Variants in XKR6 observed in about 807,000 individuals in gnomAD.
XKR6 encodes the protein XK related 6.
XKR6 carries 22 observed loss-of-function variants against 56.7 expected under a neutral mutation model. That is an observed-to-expected ratio of 0.39 (90% CI 0.28 to 0.55). The LOEUF (loss-of-function observed/expected upper bound fraction) is 0.55, where lower values mean the gene tolerates loss of function less well. Ranked by LOEUF, XKR6 falls within the 20% of genes least tolerant of loss-of-function variation. The probability of loss-of-function intolerance (pLI) is 0.66; values close to 1 mark genes in which losing one functional copy is unlikely to be tolerated. For missense variants in XKR6, 852 were observed against 889.0 expected (o/e 0.96, Z 0.53); for synonymous variants, 524 against 387.8 (o/e 1.35, Z -4.13).
intron 1 of XKR6, among the ~76,000 whole-genome samples, chr8:10,971,141 G>A (rs1023776681): frequency 2.0e-5 from 3 of 151,510 alleles, no homozygotes; most frequent in Admixed American, 1.3e-4. Context: ...TACAAGCAGC[G>A]CCGGGCACGG....
intron 1 of XKR6, among the ~76,000 whole-genome samples, chr8:11,011,156 C>T (rs1798491066): frequency 6.6e-6 from 1 of 152,174 alleles, no homozygotes; most frequent in Admixed American, 6.5e-5. Flanking sequence ...CAAACTCATG[C>T]TCCTTTCCCT....
At chr8:11,010,759 C>G (rs931475086) in intron 1 of XKR6, among the ~76,000 whole-genome samples, 1 of 151,946 alleles carries the variant, frequency 6.6e-6, no homozygotes, top group Admixed American at 6.5e-5. Flanking sequence ...TTTTCTAAAA[C>G]AGTGGCCCCT....
intron 1 of XKR6, chr8:11,111,537 G>C (rs1193119500): frequency 1.3e-5 from 2 of 152,188 alleles, no homozygotes; most frequent in South Asian, 4.2e-4. Flanking sequence ...AATTGCCTCT[G>C]ATCTAAATAA....
chr8:11,111,145 C>G (rs186993034), intron 1 of XKR6, among the ~76,000 whole-genome samples: 1 of 151,882 alleles, frequency 6.6e-6, no homozygotes, highest in African/African-American at 2.4e-5. Context: ...TGAGCCACTG[C>G]GCCTGCCCAA....
At chr8:10,993,730 G>C (rs1798046170) in intron 1 of XKR6, among the ~76,000 whole-genome samples, 1 of 152,174 alleles carries the variant, frequency 6.6e-6, no homozygotes, top group Non-Finnish European at 1.5e-5. Flanking sequence ...CTTGACTTCT[G>C]ACCCACTCAT....
chr8:10,920,283 C>G (rs1270091865), intron 2 of XKR6, among the ~76,000 whole-genome samples: 1 of 152,160 alleles, frequency 6.6e-6, no homozygotes, highest in Non-Finnish European at 1.5e-5. Flanking sequence ...CTACAACCAC[C>G]AAGAAAACAG....
At chr8:11,130,173 C>T (rs1800032765) in intron 1 of XKR6, among the ~76,000 whole-genome samples, 1 of 151,972 alleles carries the variant, frequency 6.6e-6, no homozygotes, top group South Asian at 2.1e-4. Context: ...TATTTTGTGG[C>T]TGGTTGTGTG....
chr8:11,065,577 T>C (rs779166205), intron 1 of XKR6, among the ~76,000 whole-genome samples: 4 of 152,048 alleles, frequency 2.6e-5, no homozygotes, highest in Non-Finnish European at 5.9e-5. Context: ...TTTTACTTAA[T>C]ACGTTTTTTT....
intron 1 of XKR6, among the ~76,000 whole-genome samples, chr8:11,135,089 G>GTGGCGC (rs1250031023): frequency 9.0e-4 from 135 of 149,610 alleles, no homozygotes; most frequent in African/African-American, 2.5e-3. Flanking sequence ...CTGAAGTGCA[G>GTGGCGC]TGGCACGATC....
chr8:10,982,293 C>T (rs10089518), intron 1 of XKR6, among the ~76,000 whole-genome samples: 76,054 of 152,056 alleles, frequency 0.5, 20,471 homozygotes, highest in African/African-American at 0.63. Flanking sequence ...ATGAAAGATA[C>T]GGTTTCTCAA....
chr8:11,153,532 C>G (rs1182503534), intron 1 of XKR6, among the ~76,000 whole-genome samples: 1 of 151,874 alleles, frequency 6.6e-6, no homozygotes, highest in African/African-American at 2.4e-5. Flanking sequence ...ATTTGAACTC[C>G]TGACATGGGG....
intron 1 of XKR6, among the ~76,000 whole-genome samples, chr8:10,984,691 C>T (rs776306419): frequency 1.0e-5 from 1 of 99,008 alleles, no homozygotes; most frequent in African/African-American, 3.7e-5. Context: ...AGATAAAATA[C>T]ATGGCTCTCT....
At chr8:11,076,455 T>C (rs531804930) in intron 1 of XKR6, among the ~76,000 whole-genome samples, 1 of 152,242 alleles carries the variant, frequency 6.6e-6, no homozygotes, top group South Asian at 2.1e-4. Context: ...GCCTGACCCT[T>C]ACCCCATCAG....
At chr8:11,129,717 G>A (rs1800006036) in intron 1 of XKR6, among the ~76,000 whole-genome samples, 1 of 152,176 alleles carries the variant, frequency 6.6e-6, no homozygotes, top group Non-Finnish European at 1.5e-5. Context: ...TAAGGATTTT[G>A]CATTTGCATC....
intron 1 of XKR6, among the ~76,000 whole-genome samples, chr8:10,984,855 A>T (rs1188215687): frequency 1.3e-5 from 2 of 151,308 alleles, no homozygotes; most frequent in African/African-American, 4.9e-5. Flanking sequence ...AAGTCCCAAC[A>T]TTGTAAAGTT....
chr8:11,179,384 G>A (rs534575471), intron 1 of XKR6, among the ~76,000 whole-genome samples: 10 of 152,220 alleles, frequency 6.6e-5, no homozygotes, highest in African/African-American at 1.9e-4. Flanking sequence ...CATACTTTCA[G>A]TCCACCTAAC....
intron 1 of XKR6, among the ~76,000 whole-genome samples, chr8:11,166,460 T>A (rs1036087352): frequency 6.6e-6 from 1 of 152,154 alleles, no homozygotes; most frequent in African/African-American, 2.4e-5. Context: ...GACAACCTAG[T>A]CTATGGTGGG....
chr8:11,011,665 A>G (rs1157275233), intron 1 of XKR6, among the ~76,000 whole-genome samples: 2 of 152,230 alleles, frequency 1.3e-5, no homozygotes, highest in African/African-American at 2.4e-5. Flanking sequence ...AGAAGGATAG[A>G]GCAGGGAAAG....
At chr8:11,102,723 G>A (rs533509948) in intron 1 of XKR6, among the ~76,000 whole-genome samples, 1 of 152,292 alleles carries the variant, frequency 6.6e-6, no homozygotes, top group South Asian at 2.1e-4. Context: ...GGAAGATGAG[G>A]AGGGACAGAG....
Sources: gnomAD v4.1 joint callset for allele counts (sites outside exome capture counted in the v4.1 genomes callset) on GRCh38, gnomAD v4.1.1 for gene constraint, MANE v1.5 for transcripts, NCBI Gene and HGNC (gene_info 2026-07-23, HGNC 2026-07-21) for gene names.